ATP8A2: variants seen among roughly 807,000 people sequenced by gnomAD.
ATP8A2 encodes phospholipid-transporting ATPase IB.
A neutral mutation model predicts 165.6 loss-of-function variants in ATP8A2; 100 were observed. That is an observed-to-expected ratio of 0.60 (90% CI 0.51 to 0.71). The LOEUF (loss-of-function observed/expected upper bound fraction) is 0.71. ATP8A2 is among the 30% of genes least tolerant of loss of function. ATP8A2 has a pLI of 0.00. For missense variants in ATP8A2, 1,227 were observed against 1,479.5 expected (o/e 0.83, Z 2.80); for synonymous variants, 543 against 548.8 (o/e 0.99, Z 0.15).
chr13:25,889,245 C>CATACATATATATATATATATATATATAT (rs1555285524), intron 33 of ATP8A2, among the ~76,000 whole-genome samples: 1 of 109,972 alleles, frequency 9.1e-6, no homozygotes, highest in African/African-American at 4.3e-5. Flanking sequence ...CATCCTTTGT[C>CATACATATATATATATATATATATATAT]ATATATATAT....
At position 25,811,718 on chromosome 13, in the gene ATP8A2, A is replaced by G. The variant is rs145870827; in HGVS notation, c.2680-16400A>G. Among the ~76,000 whole-genome samples, 1,061 of 152,254 alleles carry G rather than the reference A, an allele frequency of 7.0e-3. 20 individuals carry two copies. The highest frequency in any genetic ancestry group is 0.025 in the African/African-American group (1,023 of 41,548). On this transcript the variant is annotated intron_variant, in intron 27 of 36. Transcript: ENST00000381655. Reference sequence around the variant, plus strand: ...AAAACAAAACACACAAAAATTAGCCAGGCGTGGTGGCATGTTCCTATAGTC... The same window carrying G: ...AAAACAAAACACACAAAAATTAGCCGGGCGTGGTGGCATGTTCCTATAGTC...
intron 1 of ATP8A2, among the ~76,000 whole-genome samples, chr13:25,403,699 A>G (rs1187696489): frequency 1.3e-5 from 2 of 152,178 alleles, no homozygotes; most frequent in Non-Finnish European, 2.9e-5. Flanking sequence ...TGGTCTTGAA[A>G]TATTTTTTCT....
intron 35 of ATP8A2, among the ~76,000 whole-genome samples, chr13:25,970,483 G>A (rs1955887616): frequency 6.6e-6 from 1 of 152,258 alleles, no homozygotes; most frequent in Admixed American, 6.5e-5. Flanking sequence ...ACTGTGTGCA[G>A]GGACCAACCA....
intron 2 of ATP8A2, among the ~76,000 whole-genome samples, chr13:25,524,002 A>G (rs1331832506): frequency 2.0e-5 from 3 of 152,018 alleles, no homozygotes; most frequent in African/African-American, 7.2e-5. Flanking sequence ...TATTACTGCA[A>G]ACTTCCCCTC....
At chr13:25,922,586 C>G (rs1012055452) in intron 33 of ATP8A2, among the ~76,000 whole-genome samples, 4 of 152,202 alleles carry the variant, frequency 2.6e-5, no homozygotes, top group Non-Finnish European at 5.9e-5. Flanking sequence ...TGTAGAAGGC[C>G]ACCAAGTGCT....
chr13:25,734,139 C>G (rs941680969), intron 25 of ATP8A2, among the ~76,000 whole-genome samples: 1 of 152,198 alleles, frequency 6.6e-6, no homozygotes, highest in African/African-American at 2.4e-5. Flanking sequence ...GGTCTGCATT[C>G]AATAAATGCC....
chr13:25,495,116 CACA>C (rs990336945), intron 2 of ATP8A2, among the ~76,000 whole-genome samples: 2 of 152,216 alleles, frequency 1.3e-5, no homozygotes, highest in African/African-American at 4.8e-5. Flanking sequence ...TTTGGGCAAA[CACA>C]ACAAGAACAG....
rs9581379 is a variant in ATP8A2, at chr13:25,535,857, C to T, written c.508-2131C>T. Among the ~76,000 whole-genome samples, 4 of 151,886 alleles carry T rather than the reference C, an allele frequency of 2.6e-5. No individual in the cohort carries two copies. In the East Asian group the frequency reaches 7.7e-4, roughly 29 times the overall value. On this transcript the variant is annotated intron_variant, in intron 6 of 36. Coordinates refer to ENST00000381655, the MANE Select transcript of ATP8A2 (RefSeq NM_016529.6). ...AACCAAAAAAAAATTTTTTTTCAAG[C>T]AAAATCCAAGTAAGTCATTTCTTAT...
chr13:25,572,620 T>C (rs1196364331), intron 18 of ATP8A2, among the ~76,000 whole-genome samples: 1 of 152,108 alleles, frequency 6.6e-6, no homozygotes, highest in Admixed American at 6.5e-5. Flanking sequence ...GGGAAAATGA[T>C]GGTTATGACT....
intron 2 of ATP8A2, among the ~76,000 whole-genome samples, chr13:25,514,261 T>TA (rs1218221190): frequency 3.3e-5 from 5 of 152,228 alleles, no homozygotes; most frequent in Admixed American, 6.5e-5. Context: ...GTTATCATCT[T>TA]ATGACTCTGA....
intron 27 of ATP8A2, among the ~76,000 whole-genome samples, chr13:25,826,446 C>T (rs118149306): frequency 0.044 from 6,645 of 152,206 alleles, 173 homozygotes; most frequent in Middle Eastern, 0.099. Flanking sequence ...TTGGTGAGTA[C>T]CTGTTTGTAC....
chr13:25,377,297 C>T (rs2032665562), intron 1 of ATP8A2, among the ~76,000 whole-genome samples: 1 of 152,180 alleles, frequency 6.6e-6, no homozygotes, highest in Non-Finnish European at 1.5e-5. Flanking sequence ...AAGTGCTCAG[C>T]ACAAATGTTA....
chr13:25,654,949 T>A (rs2041894824), intron 24 of ATP8A2, among the ~76,000 whole-genome samples: 1 of 152,078 alleles, frequency 6.6e-6, no homozygotes, highest in Admixed American at 6.5e-5. Flanking sequence ...TCATCCAGGG[T>A]TATGTTAACT....
intron 33 of ATP8A2, among the ~76,000 whole-genome samples, chr13:25,912,844 G>A (rs1274088903): frequency 6.6e-6 from 1 of 152,122 alleles, no homozygotes; most frequent in Non-Finnish European, 1.5e-5. Context: ...GGTGCTGAGT[G>A]GGAGCTTCAT....
At chr13:25,811,796 A>T (rs1456422639) in intron 27 of ATP8A2, among the ~76,000 whole-genome samples, 1 of 152,168 alleles carries the variant, frequency 6.6e-6, no homozygotes, top group Non-Finnish European at 1.5e-5. Flanking sequence ...AGGAAGTTGA[A>T]GTTGCAGTAA....
chr13:25,681,945 A>T lies in ATP8A2; in HGVS notation c.2212-17228A>T, dbSNP rs569959719. On this transcript the variant is annotated intron_variant, in intron 24 of 36. Transcript: ENST00000381655. Reference sequence around the variant, plus strand: ...GTTTGCCCTGTAACTGACAAGAGTGATGGGTCCCCGTCGAGTGACGGCGTT... The same window carrying T: ...GTTTGCCCTGTAACTGACAAGAGTGTTGGGTCCCCGTCGAGTGACGGCGTT... Among the ~76,000 whole-genome samples the T allele has an allele frequency of 1.4e-4, 21 of 152,304 alleles. No individual in the cohort carries two copies. In the South Asian group the frequency reaches 4.1e-3, roughly 30 times the overall value.
intron 25 of ATP8A2, among the ~76,000 whole-genome samples, chr13:25,758,201 A>G (rs1593301834): frequency 1.3e-5 from 2 of 152,352 alleles, no homozygotes; most frequent in African/African-American, 4.8e-5. Flanking sequence ...CTGCAAGATG[A>G]TCATTACTCA....
intron 24 of ATP8A2, among the ~76,000 whole-genome samples, chr13:25,599,365 G>A (rs577657580): frequency 6.6e-6 from 1 of 152,308 alleles, no homozygotes; most frequent in Admixed American, 6.5e-5. Flanking sequence ...TGGTTAGAAA[G>A]CTTCAGCTGT....
chr13:25,593,496 A>T (rs1164806190), intron 24 of ATP8A2, among the ~76,000 whole-genome samples: 1 of 152,202 alleles, frequency 6.6e-6, no homozygotes, highest in Non-Finnish European at 1.5e-5. Flanking sequence ...AGGTGGAGTG[A>T]TGGTGTGCAC....
Sources: gnomAD v4.1 joint callset for allele counts (sites outside exome capture counted in the v4.1 genomes callset) on GRCh38, gnomAD v4.1.1 for gene constraint, MANE v1.5 for transcripts, NCBI Gene and HGNC (gene_info 2026-07-23, HGNC 2026-07-21) for gene names.